The following CCDC88C variants were observed in gnomAD, a reference collection of about 807,000 sequenced individuals.
CCDC88C encodes the protein protein Daple.
A neutral mutation model predicts 198.8 loss-of-function variants in CCDC88C; 131 were observed. That is an observed-to-expected ratio of 0.66 (90% CI 0.57 to 0.76). The LOEUF (loss-of-function observed/expected upper bound fraction) is 0.76, where lower values mean the gene tolerates loss of function less well. CCDC88C is among the 30% of genes least tolerant of loss of function. The probability of loss-of-function intolerance (pLI) is 0.00; values close to 1 mark genes in which losing one functional copy is unlikely to be tolerated. For missense variants in CCDC88C, 2,553 were observed against 2,631.6 expected (o/e 0.97, Z 0.65); for synonymous variants, 1,166 against 1,114.7 (o/e 1.05, Z -0.92).
At position 91,305,810 on chromosome 14, in the gene CCDC88C, C is replaced by T; in HGVS notation, c.3312G>A (p.Leu1104=). 6.2e-7 allele frequency: 1 copy of T among 1,613,784 alleles called. No individual in the cohort carries two copies. The change falls in exon 19 of 30, where the codon CTG becomes CTA. Residue 1104 remains leucine (L), a synonymous_variant. Transcript: ENST00000389857. ...TCTGCAGTGTGGTGTTGTGCTCCTG[C>T]AGGAAGGCGCTCTGTTTCTGCAGTG... is the stretch of plus-strand genomic sequence containing the variant. ...ILTLQKQSAF[L]QEHNTTLQTQ...
At position 91,326,021 on chromosome 14, in the gene CCDC88C, G is replaced by A. The variant is rs747325094; in HGVS notation, c.1086C>T (p.Thr362=). ...TCAGCTGTTCCTCCAGCATGGCCTTGGTTTCAATTAAAATGATATTATCTT... is the reference window on the plus strand; with the variant it reads ...TCAGCTGTTCCTCCAGCATGGCCTTAGTTTCAATTAAAATGATATTATCTT... ...LREDNIILIE[T]KAMLEEQLTA... is the part of the protein sequence containing the mutation. Residue 362 remains threonine, a synonymous_variant, in exon 11 of 30, where the codon ACC becomes ACT. Coordinates refer to ENST00000389857, the MANE Select transcript of CCDC88C (RefSeq NM_001080414.4). 2 of 1,607,604 alleles carry A rather than the reference G, an allele frequency of 1.2e-6. No individual in the cohort carries two copies. The highest frequency in any genetic ancestry group is 1.7e-6 in the Non-Finnish European group (2 of 1,176,896).
intron 2 of CCDC88C, among the ~76,000 whole-genome samples, chr14:91,416,346 C>A (rs1339167132): frequency 1.3e-5 from 2 of 152,164 alleles, no homozygotes; most frequent in African/African-American, 4.8e-5. Context: ...CAGTAACCCT[C>A]GGATGCCTGG....
intron 3 of CCDC88C, chr14:91,379,805 T>C (rs1054657158): frequency 5.7e-6 from 4 of 702,950 alleles, no homozygotes; most frequent in South Asian, 1.5e-5. Context: ...CCACTTCCAC[T>C]GGGTTTGTTT....
chr14:91,309,815 G>A, intron 16 of CCDC88C, 44 bp downstream of exon 16: 1 of 1,584,178 alleles, frequency 6.3e-7, no homozygotes, highest in Non-Finnish European at 8.6e-7. Flanking sequence ...CTGAACAGTG[G>A]AGGAAGTGCT....
At chr14:91,402,803 T>C (rs1407315138) in intron 3 of CCDC88C, among the ~76,000 whole-genome samples, 4 of 152,250 alleles carry the variant, frequency 2.6e-5, no homozygotes, top group Non-Finnish European at 1.5e-5. Flanking sequence ...TGACCACTTG[T>C]ACTGTTTTAT....
At chr14:91,406,007 G>A (rs531963879) in intron 3 of CCDC88C, among the ~76,000 whole-genome samples, 2 of 152,324 alleles carry the variant, frequency 1.3e-5, no homozygotes, top group African/African-American at 2.4e-5. Flanking sequence ...AGCACAAAAG[G>A]AGGGAGAGCA....
intron 3 of CCDC88C, among the ~76,000 whole-genome samples, chr14:91,387,674 C>A (rs1380663199): frequency 2.6e-5 from 4 of 152,146 alleles, no homozygotes; most frequent in Admixed American, 1.3e-4. Context: ...TGTCGCCACT[C>A]CAGGGAGTTT....
At position 91,339,846 on chromosome 14, in the gene CCDC88C, C is replaced by T. The variant is rs767277974; in HGVS notation, c.624+38G>A. ...AGAGGAGATGAAGGGGCCTAAGCCC[C>T]TTCCCAGGCTGACCGGGCCACCGAC... is the stretch of plus-strand genomic sequence containing the variant. On this transcript the variant is annotated intron_variant, in intron 7 of 29. Coordinates refer to ENST00000389857, the MANE Select transcript of CCDC88C (RefSeq NM_001080414.4). The surrounding 1 kb of genome is among the most constrained non-coding windows in gnomAD (Gnocchi z 5.8). 9.0e-6 allele frequency: 14 copies of T among 1,552,584 alleles called. No individual in the cohort carries two copies. Among genetic ancestry groups the T allele is most frequent in the Non-Finnish European group, 1.2e-5 (14 of 1,148,140 alleles).
chr14:91,272,767 G>A lies in CCDC88C; in HGVS notation c.5945C>T (p.Pro1982Leu). The change falls in exon 30 of 30, where the codon CCA becomes CTA. Residue 1982 changes from proline (P) to leucine (L), a missense_variant. Transcript: ENST00000389857. ...GCSEGLPAKS[P>L]GRSPDLAPHL... ...GGGAGCCAAATCGGGAGACCGACCT[G>A]GGCTCTTGGCCGGAAGCCCCTCACT... is the stretch of plus-strand genomic sequence containing the variant. 2 of 1,607,626 alleles carry A rather than the reference G, an allele frequency of 1.2e-6. No homozygotes were observed. The highest frequency in any genetic ancestry group is 1.1e-5 in the South Asian group (1 of 90,828).
At position 91,273,100 on chromosome 14, in the gene CCDC88C, C is replaced by T. The variant is rs777376455; in HGVS notation, c.5612G>A (p.Cys1871Tyr). The T allele has an allele frequency of 1.3e-6, 2 of 1,564,838 alleles. No individual in the cohort carries two copies. The highest frequency in any genetic ancestry group is 1.7e-6 in the Non-Finnish European group (2 of 1,154,694). Residue 1871 changes from cysteine (C) to tyrosine (Y), a missense_variant, in exon 30 of 30, where the codon TGT becomes TAT. Cys to Tyr is a radical substitution (Grantham distance 194). Coordinates refer to ENST00000389857, the MANE Select transcript of CCDC88C (RefSeq NM_001080414.4). The surrounding 1 kb of genome is among the most constrained non-coding windows in gnomAD (Gnocchi z 5.6). ...TPLVGKAGSS[C>Y]QGPGPRSRPL... ...CCGGCTGCGGGGACCTGGGCCCTGA[C>T]AGGAGCTGCCAGCCTTTCCCACAAG...
intron 17 of CCDC88C, among the ~76,000 whole-genome samples, chr14:91,307,738 C>T (rs1891621578): frequency 1.3e-5 from 2 of 152,070 alleles, no homozygotes; most frequent in African/African-American, 2.4e-5. Context: ...ATTGAGAGCA[C>T]GTGTCGGGTG....
chr14:91,300,157 C>G (rs1169629853), intron 20 of CCDC88C, 87 bp from the exon 21 acceptor site: 11 of 1,516,948 alleles, frequency 7.3e-6, no homozygotes, highest in Non-Finnish European at 8.9e-6. Flanking sequence ...TGCGTGCCTC[C>G]CGTGAGAAAA....
Position 91,339,781 on chromosome 14 carries a change from T to A in CCDC88C, c.624+103A>T. The A allele has an allele frequency of 7.5e-6, 10 of 1,324,938 alleles. No homozygotes were observed. The highest frequency in any genetic ancestry group is 3.0e-5 in the South Asian group (2 of 65,846). The allele number at this position is 1,324,938 out of a possible 1,614,324, so 82.1% of individuals were successfully genotyped here. On this transcript the variant is annotated intron_variant, in intron 7 of 29. Coordinates refer to ENST00000389857, the MANE Select transcript of CCDC88C (RefSeq NM_001080414.4). This position sits in a 1 kb window ranked among gnomAD's most constrained non-coding sequence, Gnocchi z 5.8. ...CGCACGTCCCACCCCCACCAGAACC[T>A]CAGCAGCAGGACCGAGGCGTCTAGG...
chr14:91,345,166 TTA>T (rs758438547), intron 4 of CCDC88C, among the ~76,000 whole-genome samples: 1,485 of 100,456 alleles, frequency 0.015, 69 homozygotes, highest in East Asian at 0.019. Flanking sequence ...GAGGTTCAAT[TTA>T]TATATATATA....
At chr14:91,308,606 G>A in intron 16 of CCDC88C, 114 bp from the exon 17 acceptor site, 1 of 1,102,824 alleles carries the variant, frequency 9.1e-7, no homozygotes, top group Non-Finnish European at 1.3e-6. Context: ...CGGAGCTGCT[G>A]CAGCTTTTGG....
chr14:91,312,509 C>T (rs1012408845), intron 15 of CCDC88C, among the ~76,000 whole-genome samples: 7 of 152,142 alleles, frequency 4.6e-5, no homozygotes, highest in African/African-American at 1.4e-4. Flanking sequence ...ATGGTGAAAA[C>T]CCGTCTCTAC....
At chr14:91,283,543 A>G in intron 25 of CCDC88C, 26 bp from the exon 26 acceptor site, 2 of 1,590,600 alleles carry the variant, frequency 1.3e-6, no homozygotes, top group Non-Finnish European at 1.7e-6. Context: ...ACATTGAGAA[A>G]TGAGGCTGCC....
At chr14:91,392,479 A>G (rs1363527700) in intron 3 of CCDC88C, among the ~76,000 whole-genome samples, 1 of 152,140 alleles carries the variant, frequency 6.6e-6, no homozygotes, top group South Asian at 2.1e-4. Flanking sequence ...AGCTGGTCAC[A>G]TTTCCAATTC....
rs141037411 is a variant in CCDC88C at position 91,283,677 on chromosome 14, C to A, written c.4442-160G>T. 1.0e-5 allele frequency: 7 copies of A among 682,454 alleles called. No homozygotes were observed. In the South Asian group the frequency reaches 1.2e-4, roughly 11 times the overall value. 42.3% of individuals were successfully genotyped at this position (682,454 alleles called of 1,614,324 possible). On this transcript the variant is annotated intron_variant, in intron 25 of 29. Transcript: ENST00000389857. ...GGGCTGCAACTTAAATGGGGCCTGG[C>A]GGGGCAGGTGGGGGCAAGAGGGCTT...
Sources: gnomAD v4.1 joint callset for allele counts (sites outside exome capture counted in the v4.1 genomes callset) on GRCh38, gnomAD v4.1.1 for gene constraint, Gnocchi (gnomAD v3.1) non-coding constraint, MANE v1.5 for transcripts, NCBI Gene and HGNC (gene_info 2026-07-23, HGNC 2026-07-21) for gene names.